The following NUP98 variants were observed in gnomAD, a reference collection of about 807,000 sequenced individuals.
NUP98 encodes the protein nuclear pore complex protein Nup98-Nup96.
In NUP98, 26 loss-of-function variants were observed where a neutral mutation model predicts 191.9. The observed-to-expected ratio is 0.14, with a 90% CI of 0.10 to 0.19. NUP98 has a LOEUF of 0.19. Ranked by LOEUF, NUP98 falls within the 10% of genes least tolerant of loss-of-function variation. The pLI, the probability that NUP98 is intolerant of heterozygous loss-of-function variation, is 1.00. For synonymous variants in NUP98, 808 were observed against 778.4 expected (o/e 1.04, Z -0.63); for missense variants, 1,941 against 2,178.8 (o/e 0.89, Z 2.17).
chr11:3,767,817 TAA>T (rs1264809299), intron 8 of NUP98, among the ~76,000 whole-genome samples: 1 of 141,884 alleles, frequency 7.0e-6, no homozygotes, highest in Non-Finnish European at 1.5e-5. Flanking sequence ...GGTCTCCCTT[TAA>T]AAAAAAAAAA....
At position 3,679,725 on chromosome 11, in the gene NUP98, T is replaced by C. The variant is rs1336213084; in HGVS notation, c.4919-17A>G. 5 of 1,611,594 alleles carry C rather than the reference T, an allele frequency of 3.1e-6. No individual in the cohort carries two copies. In the African/African-American group the frequency reaches 4.0e-5, roughly 13 times the overall value. ...TGATGGCATCTGAAGAAACAAAGTA[T>C]TGAGCACAATGTCTGCACAAGTGCA... On this transcript the variant is annotated splice_polypyrimidine_tract_variant and intron_variant, in intron 30 of 32. Transcript: ENST00000324932.
At chr11:3,762,506 A>G (rs912947600) in intron 9 of NUP98, among the ~76,000 whole-genome samples, 1 of 152,072 alleles carries the variant, frequency 6.6e-6, no homozygotes, top group Admixed American at 6.6e-5. Flanking sequence ...AATTTGATCA[A>G]CCCCAAAAAC....
Position 3,679,612 on chromosome 11 carries a change from G to C in NUP98, c.5015C>G (p.Ser1672Cys). ...AATATAGTCCAGGTAAACAAGCCCA[G>C]ATGTTTCCCAATCCTGAATTAGGCT... The part of the protein sequence containing the change: ...RSSLIQDWET[S>C]GLVYLDYIRV... The change falls in exon 31 of 33, where the codon TCT becomes TGT. Residue 1672 changes from serine (S) to cysteine (C), a missense_variant. By Grantham distance (112) the Ser-to-Cys change is moderately radical (BLOSUM62 -1). Around this residue, in one of 6 missense-constraint regions of NUP98, gnomAD observed 1,030 missense variants for 1,115.8 expected, o/e 0.92. Coordinates refer to ENST00000324932, the MANE Select transcript of NUP98 (RefSeq NM_016320.5). The C allele has an allele frequency of 6.2e-7, 1 of 1,614,182 alleles. No individual in the cohort carries two copies. Among genetic ancestry groups the C allele is most frequent in the Non-Finnish European group, 8.5e-7 (1 of 1,180,018 alleles).
Position 3,764,701 on chromosome 11 carries a change from CCT to C in NUP98, c.949-1664_949-1663del, listed in dbSNP as rs909269479. Among the ~76,000 whole-genome samples, 8 of 152,178 alleles carry C rather than the reference CCT, an allele frequency of 5.3e-5. No individual in the cohort carries two copies. The East Asian group carries it at 9.6e-4, about 18-fold the overall frequency. On this transcript the variant is annotated intron_variant, in intron 8 of 32. Transcript: ENST00000324932. Reference sequence around the variant, plus strand: ...TCAAGAGATTCTCCTGCCTCAGCCCCCTGAGTAGCTGGAACTACAGGTGGGCA... The same window carrying C: ...TCAAGAGATTCTCCTGCCTCAGCCCCGAGTAGCTGGAACTACAGGTGGGCA...
intron 19 of NUP98, among the ~76,000 whole-genome samples, chr11:3,713,223 T>C (rs555357146): frequency 6.6e-6 from 1 of 152,300 alleles, no homozygotes; most frequent in African/African-American, 2.4e-5. Context: ...GCCTGATGAA[T>C]TACTGAAGTC....
At chr11:3,716,466 G>A (rs1335313045) in intron 18 of NUP98, among the ~76,000 whole-genome samples, 1 of 152,048 alleles carries the variant, frequency 6.6e-6, no homozygotes, top group Non-Finnish European at 1.5e-5. Context: ...AACACTTTGG[G>A]AGGCCAAGGC....
intron 23 of NUP98, among the ~76,000 whole-genome samples, chr11:3,701,771 C>A (rs1186153970): frequency 6.6e-6 from 1 of 151,290 alleles, no homozygotes; most frequent in Non-Finnish European, 1.5e-5. Context: ...CTGCAAGCTC[C>A]GCCTCCCGGG....
chr11:3,714,191 T>A (rs1302841400), intron 18 of NUP98, among the ~76,000 whole-genome samples, 196 bp from the exon 19 acceptor site: 6 of 152,196 alleles, frequency 3.9e-5, no homozygotes, highest in Admixed American at 3.9e-4. Context: ...CAACTCAATA[T>A]CTGGTTCTAG....
chr11:3,702,117 A>T (rs780277297), intron 23 of NUP98, among the ~76,000 whole-genome samples: 2 of 151,918 alleles, frequency 1.3e-5, no homozygotes, highest in Non-Finnish European at 2.9e-5. Context: ...GTGTGCATGT[A>T]ATCCCAGCTT....
At chr11:3,756,232 A>G (rs1258975618) in intron 10 of NUP98, among the ~76,000 whole-genome samples, 2 of 152,196 alleles carry the variant, frequency 1.3e-5, no homozygotes, top group Non-Finnish European at 2.9e-5. Context: ...CTCGTGAACT[A>G]TCTCAAACCC....
rs369426067 is a variant in NUP98, at chr11:3,795,402, C to T, written c.-29+1998G>A. On this transcript the variant is annotated intron_variant, in intron 1 of 32. Transcript: ENST00000324932. ...TAGAGGCTACTGTGAACCGAGATTG[C>T]GCCACTGCACTCTAGCCTGGGTGAT... Among the ~76,000 whole-genome samples the T allele has an allele frequency of 7.2e-5, 11 of 152,212 alleles. No homozygotes were observed. The East Asian group carries it at 7.7e-4, about 11-fold the overall frequency.
At chr11:3,707,179 T>TA (rs1452736398) in intron 20 of NUP98, among the ~76,000 whole-genome samples, 2 of 152,194 alleles carry the variant, frequency 1.3e-5, no homozygotes, top group African/African-American at 4.8e-5. Context: ...CCACGTAAGA[T>TA]ACGAGCACTA....
Position 3,735,318 on chromosome 11 carries a change from G to C in NUP98, c.1415C>G (p.Thr472Arg). ...FGAPQAPVAL[T>R]DPNASAAQQA... Reference sequence around the variant, plus strand: ...CTGGGCAGCAGAAGCATTTGGATCTGTCAAAGCTTTTAAAAAAAAAAAAAG... The same window carrying C: ...CTGGGCAGCAGAAGCATTTGGATCTCTCAAAGCTTTTAAAAAAAAAAAAAG... The change falls in exon 13 of 33, where the codon ACA becomes AGA. Residue 472 changes from threonine (T) to arginine (R), a missense_variant. By Grantham distance (71) the Thr-to-Arg change is moderately conservative. Transcript: ENST00000324932. 6.8e-7 allele frequency: 1 copy of C among 1,460,214 alleles called. No homozygotes were observed. 90.5% of individuals were successfully genotyped at this position (1,460,214 alleles called of 1,614,324 possible). A position where few individuals can be genotyped will look rare whatever the true frequency, so the allele number is the denominator to read the frequency against.
chr11:3,741,725 CAAAATGTAGT>C (rs1191079592), intron 12 of NUP98, among the ~76,000 whole-genome samples: 5 of 152,048 alleles, frequency 3.3e-5, no homozygotes, highest in Non-Finnish European at 7.4e-5. Flanking sequence ...AGGATCTAAG[CAAAATGTAGT>C]AAAATGTCAG....
intron 1 of NUP98, among the ~76,000 whole-genome samples, chr11:3,789,854 A>G (rs1036031073): frequency 3.3e-5 from 5 of 152,008 alleles, no homozygotes; most frequent in Admixed American, 2.6e-4. Flanking sequence ...GCATGATCTC[A>G]GCTCACTGCA....
chr11:3,760,882 T>A lies in NUP98; in HGVS notation c.1087-256A>T, dbSNP rs568595159. 3.3e-5 allele frequency among the ~76,000 whole-genome samples: 5 copies of A among 151,998 alleles called. No individual in the cohort carries two copies. In the East Asian group the frequency reaches 9.7e-4, roughly 29 times the overall value. ...AGGATTACGACTGAAACACAATGAA[T>A]CCAATGAAACCAGATTTCAGTGAGG... is the stretch of plus-strand genomic sequence containing the variant. On this transcript the variant is annotated intron_variant, in intron 9 of 32. Coordinates refer to ENST00000324932, the MANE Select transcript of NUP98 (RefSeq NM_016320.5).
chr11:3,737,257 A>G (rs2080098579), intron 12 of NUP98, among the ~76,000 whole-genome samples: 1 of 151,970 alleles, frequency 6.6e-6, no homozygotes, highest in Non-Finnish European at 1.5e-5. Context: ...AAGGAGTGAC[A>G]TAAAACTTTC....
Position 3,719,428 on chromosome 11 carries a change from C to T in NUP98, c.2383G>A (p.Gly795Ser). The T allele has an allele frequency of 1.3e-6, 2 of 1,597,182 alleles. No individual in the cohort carries two copies. The highest frequency in any genetic ancestry group is 8.5e-7 in the Non-Finnish European group (1 of 1,174,934). Residue 795 changes from glycine to serine, a missense_variant, in exon 18 of 33, where the codon GGT becomes AGT. Gly to Ser is a moderately conservative substitution (Grantham distance 56). This residue lies in a region of NUP98 where 95 missense variants were observed against 139.7 expected (regional missense o/e 0.68). Coordinates refer to ENST00000324932, the MANE Select transcript of NUP98 (RefSeq NM_016320.5). ...YLDDNQKPPV[G>S]EGLNRKAEVT... ...AACTCTTACCTATTTAGCCCTTCAC[C>T]CACAGGTGGTTTTTGGTTATCATCT...
intron 1 of NUP98, among the ~76,000 whole-genome samples, chr11:3,783,480 C>G (rs368870092): frequency 5.3e-5 from 8 of 152,232 alleles, no homozygotes; most frequent in African/African-American, 1.7e-4. Flanking sequence ...GGGTGGATCA[C>G]CTGAGCTCAG....
Sources: gnomAD v4.1 joint callset for allele counts (sites outside exome capture counted in the v4.1 genomes callset) on GRCh38, gnomAD v4.1.1 for gene constraint, gnomAD v4.1.1 regional missense constraint, MANE v1.5 for transcripts, NCBI Gene and HGNC (gene_info 2026-07-23, HGNC 2026-07-21) for gene names.